GRIK2: variants seen among roughly 807,000 people sequenced by gnomAD.
The protein encoded by GRIK2 is glutamate receptor ionotropic, kainate 2.
In GRIK2, 32 loss-of-function variants were observed where a neutral mutation model predicts 100.3. The ratio of observed to expected loss-of-function variants is 0.32; its 90% CI spans 0.24 to 0.43. GRIK2 has a LOEUF of 0.43. GRIK2 is among the 20% of genes least tolerant of loss of function. The pLI, the probability that GRIK2 is intolerant of heterozygous loss-of-function variation, is 1.00. For synonymous variants in GRIK2, 417 were observed against 389.4 expected (o/e 1.07, Z -0.83); for missense variants, 843 against 1,114.9 (o/e 0.76, Z 3.47).
chr6:101,531,077 C>T (rs1775416706), intron 2 of GRIK2, among the ~76,000 whole-genome samples: 1 of 152,016 alleles, frequency 6.6e-6, no homozygotes, highest in East Asian at 1.9e-4. Context: ...AGCAATTTAT[C>T]AAAAGTTATA....
At chr6:101,903,203 G>A (rs567135038) in intron 12 of GRIK2, among the ~76,000 whole-genome samples, 28 of 151,918 alleles carry the variant, frequency 1.8e-4, no homozygotes, top group African/African-American at 6.7e-4. Flanking sequence ...GATCGCCCTA[G>A]CTGCAAGAGA....
intron 10 of GRIK2, among the ~76,000 whole-genome samples, chr6:101,852,498 C>T (rs767778911): frequency 2.6e-5 from 4 of 152,074 alleles, no homozygotes; most frequent in Non-Finnish European, 5.9e-5. Context: ...CAGAACAATT[C>T]GTTTCTATTC....
intron 2 of GRIK2, among the ~76,000 whole-genome samples, chr6:101,419,052 C>T (rs1562123670): frequency 1.3e-5 from 2 of 152,200 alleles, no homozygotes; most frequent in Admixed American, 6.5e-5. Flanking sequence ...AAGACTCTTA[C>T]ACATCCTTCA....
intron 14 of GRIK2, among the ~76,000 whole-genome samples, chr6:102,023,747 A>C (rs1769549009): frequency 6.6e-6 from 1 of 151,570 alleles, no homozygotes; most frequent in Non-Finnish European, 1.5e-5. Flanking sequence ...GTGCTGCTTC[A>C]GATTCAGAAG....
chr6:101,642,787 T>C (rs1781341672), intron 4 of GRIK2, among the ~76,000 whole-genome samples: 1 of 151,710 alleles, frequency 6.6e-6, no homozygotes, highest in Admixed American at 6.6e-5. Flanking sequence ...ATTACTTCTC[T>C]GTTGAACTTT....
chr6:101,932,104 T>C (rs957253530), intron 14 of GRIK2, among the ~76,000 whole-genome samples: 5 of 152,040 alleles, frequency 3.3e-5, no homozygotes, highest in Admixed American at 2.0e-4. Flanking sequence ...ATTTTTGAAG[T>C]GAGTCACATG....
At chr6:101,600,721 T>C (rs953802884) in intron 2 of GRIK2, among the ~76,000 whole-genome samples, 1 of 151,780 alleles carries the variant, frequency 6.6e-6, no homozygotes, top group African/African-American at 2.4e-5. Context: ...TTGAACATTA[T>C]TGGTGTGTAA....
chr6:101,898,589 AGC>A (rs1387940640), intron 12 of GRIK2, among the ~76,000 whole-genome samples: 15 of 151,958 alleles, frequency 9.9e-5, no homozygotes, highest in African/African-American at 3.1e-4. Flanking sequence ...AGGAGACATT[AGC>A]AACCAAATGT....
intron 2 of GRIK2, among the ~76,000 whole-genome samples, chr6:101,589,357 T>C (rs1321410732): frequency 1.3e-5 from 2 of 152,138 alleles, no homozygotes; most frequent in African/African-American, 2.4e-5. Flanking sequence ...AGTATGTTAT[T>C]AACTATAGCC....
intron 2 of GRIK2, among the ~76,000 whole-genome samples, chr6:101,442,896 T>C (rs1770158563): frequency 6.6e-6 from 1 of 152,200 alleles, no homozygotes; most frequent in Non-Finnish European, 1.5e-5. Flanking sequence ...TTACTACTTC[T>C]CCTGTTAGCA....
chr6:101,771,344 T>A (rs1419248424), intron 7 of GRIK2, among the ~76,000 whole-genome samples: 1 of 151,964 alleles, frequency 6.6e-6, no homozygotes, highest in Non-Finnish European at 1.5e-5. Flanking sequence ...GAATTAAACA[T>A]TTGAATACTT....
intron 4 of GRIK2, among the ~76,000 whole-genome samples, chr6:101,646,708 G>A (rs1183404511): frequency 6.6e-6 from 1 of 151,862 alleles, no homozygotes; most frequent in Non-Finnish European, 1.5e-5. Flanking sequence ...TTACTTTTGA[G>A]ATTCTTTGTC....
chr6:101,683,061 G>T (rs928004754), intron 6 of GRIK2, among the ~76,000 whole-genome samples: 1 of 151,982 alleles, frequency 6.6e-6, no homozygotes, highest in African/African-American at 2.4e-5. Flanking sequence ...AAATTAGCCG[G>T]GCATGGTGGT....
At chr6:101,465,565 T>C (rs995640158) in intron 2 of GRIK2, among the ~76,000 whole-genome samples, 3 of 152,216 alleles carry the variant, frequency 2.0e-5, no homozygotes, top group African/African-American at 7.2e-5. Context: ...GGAGAACTTA[T>C]TATAGAAGTA....
intron 14 of GRIK2, among the ~76,000 whole-genome samples, chr6:102,017,094 C>T (rs2114345230): frequency 6.6e-6 from 1 of 152,214 alleles, no homozygotes; most frequent in East Asian, 1.9e-4. Context: ...TTCATTACCT[C>T]TAGACCTGCC....
intron 7 of GRIK2, among the ~76,000 whole-genome samples, chr6:101,755,065 A>G (rs1777042496): frequency 6.6e-6 from 1 of 152,174 alleles, no homozygotes; most frequent in Non-Finnish European, 1.5e-5. Context: ...CCTGAAAGCA[A>G]GGAACAAGAA....
intron 14 of GRIK2, among the ~76,000 whole-genome samples, chr6:102,005,338 C>T: frequency 6.6e-6 from 1 of 151,746 alleles, no homozygotes; most frequent in Non-Finnish European, 1.5e-5. Flanking sequence ...AAGTTGTGAT[C>T]TTTATTTTGG....
At chr6:101,967,603 C>T (rs758009056) in intron 14 of GRIK2, among the ~76,000 whole-genome samples, 6 of 151,998 alleles carry the variant, frequency 3.9e-5, no homozygotes, top group Non-Finnish European at 7.4e-5. Flanking sequence ...ACTTCAGTCA[C>T]GGGTCAAAAG....
At chr6:101,665,990 T>G (rs1770003119) in intron 4 of GRIK2, among the ~76,000 whole-genome samples, 2 of 152,102 alleles carry the variant, frequency 1.3e-5, no homozygotes, top group African/African-American at 4.8e-5. Context: ...AGACGTAGCA[T>G]TATTTAGGCA....
Sources: gnomAD v4.1 joint callset for allele counts (sites outside exome capture counted in the v4.1 genomes callset) on GRCh38, gnomAD v4.1.1 for gene constraint, MANE v1.5 for transcripts, NCBI Gene and HGNC (gene_info 2026-07-23, HGNC 2026-07-21) for gene names.